The following ROBO2 variants were observed in gnomAD, a reference collection of about 807,000 sequenced individuals.
ROBO2 encodes roundabout guidance receptor 2, also known as roundabout homolog 2.
In ROBO2, 53 loss-of-function variants were observed where a neutral mutation model predicts 160.8. The observed-to-expected ratio is 0.33, with a 90% CI of 0.26 to 0.41. The LOEUF (loss-of-function observed/expected upper bound fraction) is 0.41. Among genes scored for constraint, ROBO2 ranks in the 10% least tolerant of loss-of-function variants. The probability of loss-of-function intolerance (pLI) is 1.00; values close to 1 mark genes in which losing one functional copy is unlikely to be tolerated. For synonymous variants in ROBO2, 664 were observed against 611.7 expected (o/e 1.09, Z -1.26); for missense variants, 1,577 against 1,722.4 (o/e 0.92, Z 1.49).
intron 2 of ROBO2, among the ~76,000 whole-genome samples, chr3:76,029,500 A>C (rs1328034744): frequency 6.6e-6 from 1 of 151,902 alleles, no homozygotes; most frequent in Non-Finnish European, 1.5e-5. Context: ...TTTCTCCTAA[A>C]GCTATCCCTC....
intron 2 of ROBO2, among the ~76,000 whole-genome samples, chr3:76,054,665 T>C (rs994611322): frequency 1.3e-5 from 2 of 152,200 alleles, no homozygotes; most frequent in African/African-American, 2.4e-5. Flanking sequence ...TTACATATTA[T>C]ATTATTCAAA....
chr3:76,493,934 A>G (rs919641787), intron 2 of ROBO2, among the ~76,000 whole-genome samples: 6 of 152,184 alleles, frequency 3.9e-5, no homozygotes, highest in Admixed American at 2.6e-4. Context: ...ACTTAACACA[A>G]AATTGAGGGG....
chr3:76,601,277 A>G (rs925790694), intron 2 of ROBO2, among the ~76,000 whole-genome samples: 2 of 152,112 alleles, frequency 1.3e-5, no homozygotes, highest in Non-Finnish European at 2.9e-5. Context: ...TGGGGTCTGG[A>G]GGATGATGGC....
chr3:77,321,103 C>T (rs558080538), intron 2 of ROBO2, among the ~76,000 whole-genome samples: 4 of 152,130 alleles, frequency 2.6e-5, no homozygotes, highest in East Asian at 1.9e-4. Flanking sequence ...TTAACTCAAG[C>T]GGTTACCTCC....
chr3:76,948,284 T>A (rs1421790779), intron 2 of ROBO2, among the ~76,000 whole-genome samples: 4 of 152,176 alleles, frequency 2.6e-5, no homozygotes, highest in African/African-American at 9.7e-5. Flanking sequence ...GTTTTTAGTT[T>A]TCTTATTTGA....
intron 2 of ROBO2, among the ~76,000 whole-genome samples, chr3:76,907,823 G>GTGT (rs2075705102): frequency 1.9e-4 from 27 of 145,432 alleles, no homozygotes; most frequent in African/African-American, 6.2e-4. Flanking sequence ...GTTTGTTTGG[G>GTGT]GTGTGTGTGT....
chr3:76,090,213 C>A (rs1354341926), intron 2 of ROBO2, among the ~76,000 whole-genome samples: 3 of 152,040 alleles, frequency 2.0e-5, no homozygotes, highest in Non-Finnish European at 4.4e-5. Flanking sequence ...GTAATCCCAA[C>A]ACTTTGGGAA....
rs138307037 is a variant in ROBO2, at chr3:77,488,278, T to TA, written c.668-4959dup. 7.6e-4 allele frequency among the ~76,000 whole-genome samples: 115 copies of TA among 152,204 alleles called. 2 individuals carry two copies. The East Asian group carries it at 0.013, about 17-fold the overall frequency. ...TGATTCAAATCCTGTTAATCTCACA[T>TA]AAAAAAATGTTAATTGCATTGGCAA... On this transcript the variant is annotated intron_variant, in intron 4 of 25. Coordinates refer to ENST00000461745, the Ensembl canonical transcript of ROBO2.
chr3:76,590,178 C>T (rs77508585), intron 2 of ROBO2, among the ~76,000 whole-genome samples: 4,930 of 152,180 alleles, frequency 0.032, 122 homozygotes, highest in Non-Finnish European at 0.052. Flanking sequence ...CTAAAGAGTA[C>T]ATTTTTACTC....
At chr3:76,350,528 G>A (rs1329645012) in intron 2 of ROBO2, among the ~76,000 whole-genome samples, 1 of 151,946 alleles carries the variant, frequency 6.6e-6, no homozygotes, top group Non-Finnish European at 1.5e-5. Context: ...CTAGCTTTAT[G>A]AATTTGAAGT....
intron 2 of ROBO2, among the ~76,000 whole-genome samples, chr3:76,608,092 G>A (rs892963371): frequency 1.3e-5 from 2 of 152,124 alleles, no homozygotes; most frequent in African/African-American, 2.4e-5. Flanking sequence ...CAGTCTTCTG[G>A]ACAAAATTTA....
chr3:77,330,141 T>C (rs1387869814), intron 2 of ROBO2, among the ~76,000 whole-genome samples: 1 of 152,204 alleles, frequency 6.6e-6, no homozygotes, highest in African/African-American at 2.4e-5. Context: ...TTGGTGTCCA[T>C]ACAAATTCTC....
chr3:77,439,741 T>C (rs1456092033), intron 2 of ROBO2, among the ~76,000 whole-genome samples: 1 of 152,138 alleles, frequency 6.6e-6, no homozygotes, highest in Admixed American at 6.6e-5. Context: ...TTCCTGTTTT[T>C]TCCTACCCTC....
intron 2 of ROBO2, among the ~76,000 whole-genome samples, chr3:76,415,316 T>C (rs751616695): frequency 6.6e-6 from 1 of 152,182 alleles, no homozygotes; most frequent in Non-Finnish European, 1.5e-5. Context: ...ACAGAAATTA[T>C]GTGAGAGAAA....
intron 2 of ROBO2, among the ~76,000 whole-genome samples, chr3:76,807,294 C>A (rs1325761634): frequency 6.6e-6 from 1 of 151,914 alleles, no homozygotes; most frequent in Admixed American, 6.6e-5. Context: ...GCAGTCAGGA[C>A]CCTGTAACAA....
chr3:76,958,053 T>C (rs1443809869), intron 2 of ROBO2, among the ~76,000 whole-genome samples: 2 of 152,198 alleles, frequency 1.3e-5, no homozygotes, highest in East Asian at 3.8e-4. Flanking sequence ...TGTCTGATTA[T>C]GGGCGAAATA....
chr3:77,402,007 T>C (rs1455540595), intron 2 of ROBO2, among the ~76,000 whole-genome samples: 1 of 152,140 alleles, frequency 6.6e-6, no homozygotes, highest in Admixed American at 6.6e-5. Flanking sequence ...CTATTCACAA[T>C]AGTAAAGACT....
intron 1 of ROBO2, among the ~76,000 whole-genome samples, chr3:75,913,072 T>C (rs746589760): frequency 6.6e-6 from 1 of 152,196 alleles, no homozygotes; most frequent in Non-Finnish European, 1.5e-5. Flanking sequence ...CTTCTGGAGG[T>C]GCTGAGGGGA....
intron 2 of ROBO2, among the ~76,000 whole-genome samples, chr3:76,727,488 T>A (rs1193722308): frequency 6.6e-6 from 1 of 152,194 alleles, no homozygotes; most frequent in Non-Finnish European, 1.5e-5. Flanking sequence ...AGCCCTAATA[T>A]GTATTAGACT....
Sources: allele counts gnomAD v4.1 joint callset (sites outside exome capture counted in the v4.1 genomes callset), GRCh38; gene constraint gnomAD v4.1.1; transcripts MANE v1.5; gene names NCBI Gene and HGNC (gene_info 2026-07-23, HGNC 2026-07-21).